Variants in SEPTIN9 observed in about 807,000 individuals in gnomAD.
SEPTIN9 encodes the protein septin 9, also known as septin-9.
A neutral mutation model predicts 56.6 loss-of-function variants in SEPTIN9; 13 were observed. That is an observed-to-expected ratio of 0.23 (90% confidence interval 0.15 to 0.37). The LOEUF is 0.37. Among genes scored for constraint, SEPTIN9 ranks in the 10% least tolerant of loss-of-function variants. SEPTIN9 has a pLI of 1.00. For synonymous variants in SEPTIN9, 332 were observed against 334.1 expected, an observed-to-expected ratio of 0.99 and a Z score of 0.07; for missense variants, 650 against 823.1, an observed-to-expected ratio of 0.79 and a Z score of 2.57.
chr17:77,418,893 C>T (rs747900652), intron 3 of SEPTIN9, among the ~76,000 whole-genome samples: 176 of 152,264 alleles, frequency 1.2e-3, no homozygotes, highest in Non-Finnish European at 2.1e-3. Context: ...CTGGAAGCCA[C>T]AGCCAGGAGG....
At chr17:77,454,971 G>GAA (rs2038132399) in intron 3 of SEPTIN9, among the ~76,000 whole-genome samples, 3 of 152,154 alleles carry the variant, frequency 2.0e-5, no homozygotes, top group Non-Finnish European at 2.9e-5. Context: ...CAGTGCAAAG[G>GAA]GCCTGAAAAG....
In SEPTIN9 at chr17:77,433,186, T is replaced by G. The variant is rs2037210117; in HGVS notation, c.721+30483T>G. ...GCATCGAGGATGCTGTGGGGGATCC[T>G]CCATCCCACCATCTCCAGCCGTGGT... On this transcript the variant is annotated intron_variant, in intron 3 of 11. Transcript: ENST00000427177. This position sits in a 1 kb window ranked among gnomAD's most constrained non-coding sequence, Gnocchi z 6.4. 6.6e-6 allele frequency among the ~76,000 whole-genome samples: 1 copy of G among 152,142 alleles called. No homozygotes were observed. The highest frequency in any genetic ancestry group is 6.5e-5 in the Admixed American group (1 of 15,274).
chr17:77,489,669 A>G (rs777937815), intron 7 of SEPTIN9, among the ~76,000 whole-genome samples: 4 of 151,866 alleles, frequency 2.6e-5, no homozygotes, highest in African/African-American at 4.8e-5. Flanking sequence ...GGGAAACCAT[A>G]CTCTGTGGGC....
chr17:77,390,011 G>A (rs1482249561), intron 2 of SEPTIN9, among the ~76,000 whole-genome samples: 1 of 152,166 alleles, frequency 6.6e-6, no homozygotes, highest in Admixed American at 6.5e-5. Flanking sequence ...CCAGGGGCAC[G>A]CGGTAGATGA....
chr17:77,495,089 C>G (rs1028805677), intron 10 of SEPTIN9, among the ~76,000 whole-genome samples: 4 of 152,190 alleles, frequency 2.6e-5, no homozygotes, highest in African/African-American at 9.6e-5. Context: ...GACGGGCCGG[C>G]GGCTTTGCTA....
At chr17:77,376,500 T>A in intron 2 of SEPTIN9, 1 of 718,800 alleles carries the variant, frequency 1.4e-6, no homozygotes, top group Non-Finnish European at 1.7e-6. Context: ...TGTCACCATG[T>A]GGGTTGCTGA....
intron 3 of SEPTIN9, chr17:77,454,377 C>A (rs2038102076): frequency 2.0e-6 from 2 of 985,410 alleles, no homozygotes; most frequent in African/African-American, 1.7e-5. Context: ...GGGACCTGTT[C>A]CCGGAGCTCA....
At chr17:77,468,932 T>A (rs1246954049) in intron 3 of SEPTIN9, 1 of 152,398 alleles carries the variant, frequency 6.6e-6, no homozygotes, top group East Asian at 1.9e-4. Flanking sequence ...CTGCAATAGC[T>A]GTTGGCTGGA....
intron 3 of SEPTIN9, among the ~76,000 whole-genome samples, chr17:77,441,182 T>C (rs1474477864): frequency 6.6e-6 from 1 of 152,162 alleles, no homozygotes; most frequent in Non-Finnish European, 1.5e-5. Flanking sequence ...TAGTTTGCCA[T>C]GAGTGACACT....
At chr17:77,484,627 GATGATGGTGATT>G (rs2039618759) in intron 4 of SEPTIN9, among the ~76,000 whole-genome samples, 2 of 148,664 alleles carry the variant, frequency 1.3e-5, no homozygotes, top group African/African-American at 5.1e-5. Context: ...TGATGGGGAT[GATGATGGTGATT>G]GTGATGGGGG....
Position 77,336,708 on chromosome 17 carries a change from G to GT in SEPTIN9, c.76+29520dup, listed in dbSNP as rs375130856. Among the ~76,000 whole-genome samples the GT allele has an allele frequency of 4.1e-3, 615 of 149,940 alleles. 1 individual carries two copies. Among genetic ancestry groups the GT allele is most frequent in the African/African-American group, 0.014 (556 of 40,806 alleles). On this transcript the variant is annotated intron_variant, in intron 2 of 11. Coordinates refer to ENST00000427177, the MANE Select transcript of SEPTIN9 (RefSeq NM_001113491.2). ...TACTTCTTTCTGATCTTGATGCCTT[G>GT]TTTTTTTTTCTTGCTTTATTGCACT...
In SEPTIN9 at chr17:77,475,210, TGTG is replaced by T; in HGVS notation, c.722-6930_722-6928del. The T allele has an allele frequency of 1.6e-6, 2 of 1,236,656 alleles. No homozygotes were observed. Among genetic ancestry groups the T allele is most frequent in the Non-Finnish European group, 1.0e-6 (1 of 984,968 alleles). 76.6% of individuals were successfully genotyped at this position (1,236,656 alleles called of 1,614,324 possible). A position where few individuals can be genotyped will look rare whatever the true frequency, so the allele number is the denominator to read the frequency against. On this transcript the variant is annotated intron_variant, in intron 3 of 11. Coordinates refer to ENST00000427177, the MANE Select transcript of SEPTIN9 (RefSeq NM_001113491.2). This position sits in a 1 kb window ranked among gnomAD's most constrained non-coding sequence, Gnocchi z 4.6. Reference sequence around the variant, plus strand: ...CTTCACAAACCCTGTGTGGGGGGGTTGTGGTGAGAGGAAACCGCACACATCATT... The same window carrying T: ...CTTCACAAACCCTGTGTGGGGGGGTTGTGAGAGGAAACCGCACACATCATT...
intron 2 of SEPTIN9, among the ~76,000 whole-genome samples, chr17:77,360,395 G>A (rs930560152): frequency 8.5e-5 from 13 of 152,218 alleles, no homozygotes; most frequent in African/African-American, 3.1e-4. Flanking sequence ...GTTTTATCCA[G>A]TGGTGTGCAT....
intron 2 of SEPTIN9, among the ~76,000 whole-genome samples, chr17:77,384,842 AACACACACACACACAC>A (rs146495461): frequency 2.7e-4 from 38 of 142,256 alleles, no homozygotes; most frequent in East Asian, 8.5e-4. Context: ...AACCTGTTTA[AACACACACACACACAC>A]ACACACACAC....
At chr17:77,468,599 G>A (rs1011304112) in intron 3 of SEPTIN9, among the ~76,000 whole-genome samples, 3 of 152,220 alleles carry the variant, frequency 2.0e-5, no homozygotes, top group African/African-American at 4.8e-5. Context: ...CATTTCACAT[G>A]TAAGAACATT....
intron 3 of SEPTIN9, among the ~76,000 whole-genome samples, chr17:77,473,680 A>C (rs1046183088): frequency 2.4e-4 from 37 of 152,230 alleles, no homozygotes; most frequent in Non-Finnish European, 7.3e-5. Context: ...TGAATTCCTT[A>C]CATGTTAAAG....
chr17:77,403,490 A>G (rs1388704988), intron 3 of SEPTIN9, among the ~76,000 whole-genome samples: 1 of 152,102 alleles, frequency 6.6e-6, no homozygotes, highest in Non-Finnish European at 1.5e-5. Context: ...CAGGCAGGGG[A>G]TTGGTGCCAG....
chr17:77,466,601 A>T, intron 3 of SEPTIN9: 3 of 985,484 alleles, frequency 3.0e-6, no homozygotes, highest in Non-Finnish European at 3.6e-6. Context: ...GAGGAGGAGA[A>T]AGAAGAGAAG....
intron 2 of SEPTIN9, among the ~76,000 whole-genome samples, chr17:77,356,583 AC>A (rs932872888): frequency 4.8e-5 from 7 of 145,360 alleles, no homozygotes; most frequent in Non-Finnish European, 1.1e-4. Context: ...CACAGAGTCC[AC>A]CCCCATGAAG....
Sources: allele counts gnomAD v4.1 joint callset (sites outside exome capture counted in the v4.1 genomes callset), GRCh38; gene constraint gnomAD v4.1.1; non-coding constraint Gnocchi (gnomAD v3.1); transcripts MANE v1.5; gene names NCBI Gene and HGNC (gene_info 2026-07-23, HGNC 2026-07-21).